The following GRID2 variants were observed in gnomAD, a reference collection of about 807,000 sequenced individuals.
The protein encoded by GRID2 is glutamate receptor ionotropic, delta-2.
Under a neutral mutation model 114.8 loss-of-function variants are expected in GRID2, and 33 were observed. The ratio of observed to expected loss-of-function variants is 0.29; its 90% confidence interval spans 0.22 to 0.38. GRID2 has a LOEUF of 0.38. GRID2 is among the 10% of genes least tolerant of loss of function. The pLI, the probability that GRID2 is intolerant of heterozygous loss-of-function variation, is 1.00. For synonymous variants in GRID2, 505 were observed against 449.9 expected (o/e 1.12, Z -1.55); for missense variants, 1,184 against 1,257.7 (o/e 0.94, Z 0.89).
At chr4:93,058,456 C>T (rs549962113) in intron 2 of GRID2, among the ~76,000 whole-genome samples, 3 of 151,888 alleles carry the variant, frequency 2.0e-5, no homozygotes, top group Non-Finnish European at 2.9e-5. Flanking sequence ...ATATTCATCA[C>T]CATTTGTTTT....
intron 2 of GRID2, among the ~76,000 whole-genome samples, chr4:92,924,066 G>A (rs942482840): frequency 2.0e-5 from 3 of 152,162 alleles, no homozygotes; most frequent in Non-Finnish European, 2.9e-5. Flanking sequence ...ATACTATGCA[G>A]CCATAAAAAA....
chr4:93,446,927 C>T (rs1214865737), intron 10 of GRID2, among the ~76,000 whole-genome samples: 1 of 151,336 alleles, frequency 6.6e-6, no homozygotes, highest in Non-Finnish European at 1.5e-5. Flanking sequence ...ACACTGAAGA[C>T]CCATAGGTTA....
At chr4:93,015,493 T>A (rs1722590188) in intron 2 of GRID2, among the ~76,000 whole-genome samples, 1 of 152,146 alleles carries the variant, frequency 6.6e-6, no homozygotes, top group South Asian at 2.1e-4. Context: ...GCAGACAACC[T>A]CATAGGGTTG....
At chr4:92,736,158 A>G (rs1388973922) in intron 2 of GRID2, among the ~76,000 whole-genome samples, 1 of 152,144 alleles carries the variant, frequency 6.6e-6, no homozygotes, top group African/African-American at 2.4e-5. Context: ...TAAGGAAAAT[A>G]GAAAGGTAAG....
At chr4:92,515,266 A>G (rs1044669921) in intron 1 of GRID2, among the ~76,000 whole-genome samples, 2 of 151,876 alleles carry the variant, frequency 1.3e-5, no homozygotes, top group Admixed American at 1.3e-4. Context: ...AGAATTCACC[A>G]TTGAAATCCA....
chr4:92,632,670 AGAAAG>A (rs1487468174), intron 2 of GRID2, among the ~76,000 whole-genome samples: 3 of 151,848 alleles, frequency 2.0e-5, no homozygotes, highest in African/African-American at 7.3e-5. Context: ...GAAGAAGTGA[AGAAAG>A]GAAAGGAAGG....
chr4:93,189,361 G>A (rs1259545715), intron 4 of GRID2, among the ~76,000 whole-genome samples: 1 of 151,974 alleles, frequency 6.6e-6, no homozygotes, highest in Admixed American at 6.6e-5. Flanking sequence ...TCCTCACATG[G>A]TAGAAGGGCA....
At chr4:93,779,905 G>C (rs1734445523) in intron 1 of GRID2, among the ~76,000 whole-genome samples, 1 of 152,194 alleles carries the variant, frequency 6.6e-6, no homozygotes, top group African/African-American at 2.4e-5. Context: ...CCTGGAGGCT[G>C]AGCTGAAGAG....
intron 2 of GRID2, among the ~76,000 whole-genome samples, chr4:92,633,729 T>A (rs1366455886): frequency 2.6e-5 from 4 of 152,120 alleles, no homozygotes; most frequent in Admixed American, 1.3e-4. Flanking sequence ...TATCCATAGA[T>A]TAAACTTAAG....
intron 4 of GRID2, chr4:93,164,801 A>T: frequency 2.5e-6 from 1 of 400,688 alleles, no homozygotes; most frequent in African/African-American, 2.0e-5. Flanking sequence ...GCCAGAGCAC[A>T]GACACTTACG....
intron 2 of GRID2, 22 bp from the exon 3 acceptor site, chr4:93,084,973 A>G (rs1395245687): frequency 6.2e-7 from 1 of 1,603,524 alleles, no homozygotes; most frequent in South Asian, 1.1e-5. Context: ...GACATTTTGA[A>G]TATTACTGTG....
intron 1 of GRID2, among the ~76,000 whole-genome samples, chr4:92,510,909 T>G (rs1314304294): frequency 6.6e-6 from 1 of 150,804 alleles, no homozygotes; most frequent in Non-Finnish European, 1.5e-5. Flanking sequence ...AGAGTGTGCT[T>G]TCTAAAACAA....
intron 1 of GRID2, among the ~76,000 whole-genome samples, chr4:92,411,947 C>T (rs955906652): frequency 4.6e-5 from 7 of 151,754 alleles, no homozygotes; most frequent in Admixed American, 2.0e-4. Context: ...CCTTGTGATC[C>T]GCCCGCCTCG....
intron 1 of GRID2, among the ~76,000 whole-genome samples, chr4:92,315,993 C>CAAAAAAAAAAAAAAAAAAAA (rs778361565): frequency 1.6e-5 from 1 of 61,920 alleles, no homozygotes; most frequent in Non-Finnish European, 3.1e-5. Context: ...AAACAAAAAG[C>CAAAAAAAAAAAAAAAAAAAA]AAAAAAAAAA....
At chr4:93,398,740 G>A (rs1765594053) in intron 9 of GRID2, among the ~76,000 whole-genome samples, 1 of 147,252 alleles carries the variant, frequency 6.8e-6, no homozygotes, top group South Asian at 2.2e-4. Flanking sequence ...CTGGAGACAT[G>A]GAAGCAGTGT....
chr4:92,323,671 A>G (rs913506365), intron 1 of GRID2, among the ~76,000 whole-genome samples: 3 of 152,000 alleles, frequency 2.0e-5, no homozygotes, highest in African/African-American at 7.2e-5. Context: ...TGAGAGCATC[A>G]TTCTCACACT....
intron 13 of GRID2, among the ~76,000 whole-genome samples, chr4:93,573,819 G>C (rs1308997422): frequency 1.8e-4 from 27 of 152,102 alleles, no homozygotes; most frequent in Admixed American, 1.8e-3. Context: ...AGTTCCACAT[G>C]TAGATAAAAC....
At chr4:93,186,216 C>A (rs1204407387) in intron 4 of GRID2, among the ~76,000 whole-genome samples, 2 of 152,036 alleles carry the variant, frequency 1.3e-5, no homozygotes, top group Admixed American at 1.3e-4. Flanking sequence ...CATACGCATG[C>A]GTCTTTATAG....
At position 93,216,673 on chromosome 4, in the gene GRID2, A is replaced by G. The variant is rs183061693; in HGVS notation, c.790-65A>G. ...CCCTAACATTTACAGATAACAACTC[A>G]TAATAGGTTTGTGTTTTGTGACTGT... On this transcript the variant is annotated intron_variant, in intron 5 of 15. Transcript: ENST00000282020. 7.5e-4 allele frequency: 783 copies of G among 1,045,516 alleles called. 1 individual carries two copies. In the African/African-American group the frequency reaches 0.011, roughly 15 times the overall value. 64.8% of individuals were successfully genotyped at this position (1,045,516 alleles called of 1,614,324 possible). A position where few individuals can be genotyped will look rare whatever the true frequency, so the allele number is the denominator to read the frequency against.
Sources: allele counts gnomAD v4.1 joint callset (sites outside exome capture counted in the v4.1 genomes callset), GRCh38; gene constraint gnomAD v4.1.1; transcripts MANE v1.5; gene names NCBI Gene and HGNC (gene_info 2026-07-23, HGNC 2026-07-21).